NPAS3: variants seen among roughly 807,000 people sequenced by gnomAD.
The protein encoded by NPAS3 is neuronal PAS domain protein 3, also known as neuronal PAS domain-containing protein 3.
Under a neutral mutation model 73.1 loss-of-function variants are expected in NPAS3, and 14 were observed. The ratio of observed to expected loss-of-function variants is 0.19; its 90% CI spans 0.13 to 0.30. The LOEUF (loss-of-function observed/expected upper bound fraction) is 0.30. NPAS3 is among the 10% of genes least tolerant of loss of function. The pLI is 1.00. For missense variants in NPAS3, 1,096 were observed against 1,250.0 expected (o/e 0.88, Z 1.86); for synonymous variants, 620 against 541.5 (o/e 1.14, Z -2.01).
At chr14:33,019,284 A>T (rs2039505391) in intron 1 of NPAS3, among the ~76,000 whole-genome samples, 1 of 152,234 alleles carries the variant, frequency 6.6e-6, no homozygotes, top group South Asian at 2.1e-4. Flanking sequence ...TTCAAAGGAA[A>T]GTCATTGTCC....
chr14:33,073,566 T>G (rs1180449472), intron 2 of NPAS3, among the ~76,000 whole-genome samples: 2 of 152,060 alleles, frequency 1.3e-5, no homozygotes, highest in Non-Finnish European at 2.9e-5. Context: ...GAATTGAGGG[T>G]CTCTTCTTGG....
At position 33,800,716 on chromosome 14, in the gene NPAS3, C is replaced by T; in HGVS notation, c.2409C>T (p.Leu803=). The stretch of plus-strand genomic sequence containing the variant: ...GGTTGCAGGCGGGCAACGTCGTGCT[C>T]CCGCTGGTGCACAGGGTGACCGGGA... The change falls in exon 12 of 12, where the codon CTC becomes CTT. Residue 803 remains leucine, a synonymous_variant. Coordinates refer to ENST00000356141, the Ensembl canonical transcript of NPAS3. This position sits in a 1 kb window ranked among gnomAD's most constrained non-coding sequence, Gnocchi z 6.5. 1.3e-6 allele frequency: 2 copies of T among 1,550,202 alleles called. No homozygotes were observed. Among genetic ancestry groups the T allele is most frequent in the African/African-American group, 1.4e-5 (1 of 73,462 alleles).
At chr14:33,147,754 T>TATATATATATATATATAC (rs368950295) in intron 2 of NPAS3, among the ~76,000 whole-genome samples, 92 of 142,370 alleles carry the variant, frequency 6.5e-4, no homozygotes, top group African/African-American at 2.4e-3. Context: ...TATATATATA[T>TATATATATATATATATAC]ACACACAAAA....
chr14:33,199,844 C>T (rs999426314), intron 2 of NPAS3, among the ~76,000 whole-genome samples: 1 of 151,734 alleles, frequency 6.6e-6, no homozygotes, highest in Non-Finnish European at 1.5e-5. Context: ...TATTTTTAAT[C>T]ATGACTTTTA....
intron 2 of NPAS3, among the ~76,000 whole-genome samples, chr14:33,154,893 C>T (rs941817046): frequency 2.0e-5 from 3 of 152,132 alleles, no homozygotes; most frequent in Non-Finnish European, 2.9e-5. Flanking sequence ...AGTTTTCTAC[C>T]TAGAGTTTTA....
At chr14:33,742,281 T>C (rs1029230876) in intron 7 of NPAS3, among the ~76,000 whole-genome samples, 1 of 152,176 alleles carries the variant, frequency 6.6e-6, no homozygotes, top group African/African-American at 2.4e-5. Flanking sequence ...TGGTCTGAAA[T>C]AGCAGTTACT....
intron 3 of NPAS3, among the ~76,000 whole-genome samples, chr14:33,276,477 A>C (rs2041339953): frequency 6.6e-6 from 1 of 152,142 alleles, no homozygotes; most frequent in African/African-American, 2.4e-5. Flanking sequence ...ATTTTTAATA[A>C]TGGTGTCCCA....
At chr14:33,243,185 A>G (rs1451289738) in intron 3 of NPAS3, among the ~76,000 whole-genome samples, 1 of 152,168 alleles carries the variant, frequency 6.6e-6, no homozygotes, top group African/African-American at 2.4e-5. Flanking sequence ...TTTATGTACC[A>G]TTGTGACCTG....
chr14:33,490,711 C>A (rs2051850689), intron 4 of NPAS3, among the ~76,000 whole-genome samples: 2 of 152,152 alleles, frequency 1.3e-5, no homozygotes, highest in African/African-American at 4.8e-5. Flanking sequence ...CATACACAGT[C>A]ATTCCGTCAC....
At chr14:33,559,991 C>G in intron 4 of NPAS3, 130 bp from the exon 5 acceptor site, 1 of 461,032 alleles carries the variant, frequency 2.2e-6, no homozygotes, top group Non-Finnish European at 3.8e-6. Context: ...GCCTGGGAGA[C>G]AGAGCAAGAC....
chr14:33,693,341 G>A (rs2060285815), intron 6 of NPAS3, among the ~76,000 whole-genome samples: 1 of 152,190 alleles, frequency 6.6e-6, no homozygotes, highest in South Asian at 2.1e-4. Context: ...AAGTCAGAAA[G>A]CTACAGTTGC....
chr14:33,055,171 A>G (rs1365075211), intron 1 of NPAS3, among the ~76,000 whole-genome samples: 1 of 152,206 alleles, frequency 6.6e-6, no homozygotes, highest in Non-Finnish European at 1.5e-5. Flanking sequence ...AATGGCCAGA[A>G]AACATCTCAG....
rs554953937 is a variant in NPAS3 at position 33,368,058 on chromosome 14, T to C, written c.468+790T>C. Among the ~76,000 whole-genome samples the C allele has an allele frequency of 2.0e-5, 3 of 152,136 alleles. No homozygotes were observed. In the East Asian group the frequency reaches 5.8e-4, roughly 29 times the overall value. The stretch of plus-strand genomic sequence containing the variant: ...TTTTTAATCTGTGGAAGATACACCT[T>C]TTTACATAGAATTGGAGAAGCAGAC... On this transcript the variant is annotated intron_variant, in intron 4 of 11. Transcript: ENST00000356141.
chr14:33,167,903 A>G (rs2045227148), intron 2 of NPAS3, among the ~76,000 whole-genome samples: 1 of 152,226 alleles, frequency 6.6e-6, no homozygotes, highest in Admixed American at 6.5e-5. Context: ...GAAGTGAATG[A>G]GGCAGCTTTA....
At chr14:33,525,628 A>G (rs939532192) in intron 4 of NPAS3, among the ~76,000 whole-genome samples, 2 of 152,122 alleles carry the variant, frequency 1.3e-5, no homozygotes, top group African/African-American at 2.4e-5. Context: ...AATTTACTCT[A>G]TCATATTTGT....
At chr14:33,164,398 ATCATG>A (rs1197375060) in intron 2 of NPAS3, among the ~76,000 whole-genome samples, 2 of 152,226 alleles carry the variant, frequency 1.3e-5, no homozygotes, top group African/African-American at 2.4e-5. Context: ...TCGGTCTTAT[ATCATG>A]TTCTTAAATA....
intron 4 of NPAS3, among the ~76,000 whole-genome samples, chr14:33,371,845 A>G (rs566273465): frequency 8.5e-5 from 13 of 152,162 alleles, no homozygotes; most frequent in South Asian, 2.1e-4. Flanking sequence ...TTATATCATC[A>G]TCGAGTACCC....
intron 5 of NPAS3, among the ~76,000 whole-genome samples, chr14:33,592,129 TG>T (rs1184520968): frequency 6.6e-6 from 1 of 152,160 alleles, no homozygotes; most frequent in African/African-American, 2.4e-5. Flanking sequence ...CCCTCCAATT[TG>T]ATGTGGATTA....
chr14:33,355,615 C>T (rs1156328371), intron 3 of NPAS3, among the ~76,000 whole-genome samples: 1 of 152,136 alleles, frequency 6.6e-6, no homozygotes, highest in African/African-American at 2.4e-5. Flanking sequence ...TACTTTTTTA[C>T]AGTTTGTATT....
Sources: allele counts gnomAD v4.1 joint callset (sites outside exome capture counted in the v4.1 genomes callset), GRCh38; gene constraint gnomAD v4.1.1; non-coding constraint Gnocchi (gnomAD v3.1); transcripts MANE v1.5; gene names NCBI Gene and HGNC (gene_info 2026-07-23, HGNC 2026-07-21).